The following RBMS2 variants were observed in gnomAD, a reference collection of about 807,000 sequenced individuals.
RBMS2 encodes RNA-binding motif, single-stranded-interacting protein 2.
Under a neutral mutation model 58.4 loss-of-function variants are expected in RBMS2, and 38 were observed. That is an observed-to-expected ratio of 0.65 (90% CI 0.50 to 0.85). RBMS2 has a LOEUF of 0.85. RBMS2 is among the 40% of genes least tolerant of loss of function. RBMS2 has a pLI of 0.00. For synonymous variants in RBMS2, 151 were observed against 180.7 expected (o/e 0.84, Z 1.32); for missense variants, 367 against 503.7 (o/e 0.73, Z 2.60).
At chr12:56,585,035 C>T (rs1410338170) in intron 9 of RBMS2, among the ~76,000 whole-genome samples, 1 of 152,034 alleles carries the variant, frequency 6.6e-6, no homozygotes, top group Non-Finnish European at 1.5e-5. Flanking sequence ...GTTGGTCAGG[C>T]TGGTCTCAAA....
rs1885393409 is a variant in RBMS2 at position 56,592,750 on chromosome 12, A to C, written c.*3617A>C. ...GGTCTCGAACTCCTGACCTCAGGTG[A>C]TCTGCCCGCCTTAGCCTCCCAAAGT... On this transcript the variant is annotated 3_prime_UTR_variant, in exon 14 of 14. Transcript: ENST00000262031. 6.6e-6 allele frequency: 1 copy of C among 152,110 alleles called. No individual in the cohort carries two copies. Among genetic ancestry groups the C allele is most frequent in the Non-Finnish European group, 1.5e-5 (1 of 68,062 alleles). 9.4% of individuals were successfully genotyped at this position (152,110 alleles called of 1,614,324 possible).
In RBMS2 at chr12:56,536,245, G is replaced by A. The variant is rs998907371; in HGVS notation, c.66+14156G>A. ...AAAAAAAAATCCCAGCACTCTGGAA[G>A]GGCGAGGCAGGCAGAGTACCTGAGG... On this transcript the variant is annotated intron_variant, in intron 1 of 13. Transcript: ENST00000262031. 2.0e-5 allele frequency among the ~76,000 whole-genome samples: 3 copies of A among 151,036 alleles called. No individual in the cohort carries two copies. The South Asian group carries it at 6.3e-4, about 32-fold the overall frequency.
intron 5 of RBMS2, among the ~76,000 whole-genome samples, chr12:56,576,371 C>T (rs896271387): frequency 7.2e-5 from 11 of 151,974 alleles, no homozygotes; most frequent in Non-Finnish European, 8.8e-5. Flanking sequence ...TCATGTTGTC[C>T]GCTCCATCCC....
At chr12:56,566,329 C>T (rs1041297032) in intron 2 of RBMS2, among the ~76,000 whole-genome samples, 5 of 152,154 alleles carry the variant, frequency 3.3e-5, no homozygotes, top group African/African-American at 1.2e-4. Flanking sequence ...TTTCAGTTAG[C>T]TCTTGTACTT....
chr12:56,522,197 A>G, intron 1 of RBMS2, 108 bp downstream of exon 1: 1 of 838,410 alleles, frequency 1.2e-6, no homozygotes. Flanking sequence ...TTCCTCTCTC[A>G]AGATTCCTAA....
At chr12:56,574,356 T>G (rs1882806525) in intron 5 of RBMS2, among the ~76,000 whole-genome samples, 1 of 152,338 alleles carries the variant, frequency 6.6e-6, no homozygotes, top group Non-Finnish European at 1.5e-5. Flanking sequence ...GGTATCAGAA[T>G]GGACACCTAC....
chr12:56,533,833 C>A (rs947277044), intron 1 of RBMS2, among the ~76,000 whole-genome samples: 2 of 152,052 alleles, frequency 1.3e-5, no homozygotes, highest in Non-Finnish European at 2.9e-5. Context: ...GTTTTAAAAT[C>A]ATGTTTAATT....
intron 2 of RBMS2, among the ~76,000 whole-genome samples, chr12:56,564,121 T>G (rs894310908): frequency 2.8e-5 from 4 of 143,798 alleles, no homozygotes; most frequent in East Asian, 2.0e-4. Flanking sequence ...CTAATTTTTG[T>G]TTTTTTTTTT....
rs559120932 is a variant in RBMS2 at position 56,590,951 on chromosome 12, T to G, written c.*1818T>G. The G allele has an allele frequency of 6.6e-6, 1 of 152,238 alleles. No individual in the cohort carries two copies. Among genetic ancestry groups the G allele is most frequent in the African/African-American group, 2.4e-5 (1 of 41,530 alleles). The allele number at this position is 152,238 out of a possible 1,614,324, so 9.4% of individuals were successfully genotyped here. A position where few individuals can be genotyped will look rare whatever the true frequency, so the allele number is the denominator to read the frequency against. Reference sequence around the variant, plus strand: ...GCAAAGAGCAATAAATTCCAACTCTTTATGAGGTCAGGAGTCCTTTAAAAA... The same window carrying G: ...GCAAAGAGCAATAAATTCCAACTCTGTATGAGGTCAGGAGTCCTTTAAAAA... On this transcript the variant is annotated 3_prime_UTR_variant, in exon 14 of 14. Coordinates refer to ENST00000262031, the MANE Select transcript of RBMS2 (RefSeq NM_002898.4).
At chr12:56,546,090 C>T (rs1211638093) in intron 1 of RBMS2, among the ~76,000 whole-genome samples, 2 of 150,790 alleles carry the variant, frequency 1.3e-5, no homozygotes, top group African/African-American at 4.9e-5. Flanking sequence ...CATGCACCAC[C>T]ACACCTGGCT....
At position 56,580,178 on chromosome 12, in the gene RBMS2, G is replaced by C. The variant is rs774187126; in HGVS notation, c.543-1006G>C. Reference sequence around the variant, plus strand: ...GATCTCCTGACCTTGTGATCCGCCCGCCTCAGCCTCCCAAAGTGCTGGGAT... The same window carrying C: ...GATCTCCTGACCTTGTGATCCGCCCCCCTCAGCCTCCCAAAGTGCTGGGAT... On this transcript the variant is annotated intron_variant, in intron 5 of 13. Transcript: ENST00000262031. 10 of 353,946 alleles carry C rather than the reference G, an allele frequency of 2.8e-5. No homozygotes were observed. The Admixed American group carries it at 2.9e-4, about 10-fold the overall frequency. The allele number at this position is 353,946 out of a possible 1,614,324, so 21.9% of individuals were successfully genotyped here. A position where few individuals can be genotyped will look rare whatever the true frequency, so the allele number is the denominator to read the frequency against.
In RBMS2 at chr12:56,522,101, C is replaced by G. The variant is rs762040601; in HGVS notation, c.66+12C>G. ...GAAACAACAAGAAGGTAGGGAAAAGCGCTTTTTTGGTATCTAGCTACTTCT... is the reference window on the plus strand; with the variant it reads ...GAAACAACAAGAAGGTAGGGAAAAGGGCTTTTTTGGTATCTAGCTACTTCT... On this transcript the variant is annotated intron_variant, in intron 1 of 13. Transcript: ENST00000262031. 1 of 1,574,866 alleles carries G rather than the reference C, an allele frequency of 6.3e-7. No homozygotes were observed. The highest frequency in any genetic ancestry group is 1.1e-5 in the South Asian group (1 of 89,828).
chr12:56,570,918 G>C (rs978232186), intron 4 of RBMS2, among the ~76,000 whole-genome samples: 3 of 152,182 alleles, frequency 2.0e-5, no homozygotes, highest in African/African-American at 7.2e-5. Context: ...ATTATACATA[G>C]AGCTTGTGAG....
chr12:56,543,139 T>C (rs1168382632), intron 1 of RBMS2, among the ~76,000 whole-genome samples: 1 of 152,072 alleles, frequency 6.6e-6, no homozygotes, highest in Non-Finnish European at 1.5e-5. Context: ...TCTCTAAGTG[T>C]TGGGATTACA....
intron 1 of RBMS2, among the ~76,000 whole-genome samples, chr12:56,540,147 C>A (rs1168883461): frequency 6.6e-6 from 1 of 152,016 alleles, no homozygotes; most frequent in Non-Finnish European, 1.5e-5. Context: ...ATGTCTCTCT[C>A]CCCACTAAAT....
At chr12:56,578,199 G>C (rs1883421438) in intron 5 of RBMS2, among the ~76,000 whole-genome samples, 1 of 151,998 alleles carries the variant, frequency 6.6e-6, no homozygotes, top group South Asian at 2.1e-4. Flanking sequence ...TGTGATCTCA[G>C]CTCACTGTAA....
chr12:56,564,043 T>C (rs886276283), intron 2 of RBMS2, among the ~76,000 whole-genome samples: 4 of 151,004 alleles, frequency 2.6e-5, no homozygotes, highest in Non-Finnish European at 4.4e-5. Flanking sequence ...AGAAGAATCT[T>C]TTTTTTTTAA....
At chr12:56,587,815 G>A in intron 11 of RBMS2, 151 bp downstream of exon 11, 1 of 1,229,258 alleles carries the variant, frequency 8.1e-7, no homozygotes, top group Non-Finnish European at 1.1e-6. Context: ...TACAATGGTA[G>A]TGCTCCATGA....
At position 56,581,954 on chromosome 12, in the gene RBMS2, TTCTC is replaced by T; in HGVS notation, c.779+79_779+82del. 7.6e-6 allele frequency: 12 copies of T among 1,584,322 alleles called. No homozygotes were observed. In the Middle Eastern group the frequency reaches 5.0e-4, roughly 66 times the overall value. On this transcript the variant is annotated intron_variant, in intron 8 of 13. Transcript: ENST00000262031. ...CAGACACTCAAATGATTCATCTTGATTCTCTCTATTTGAAAGTCAAGGGAACGTT... is the reference window on the plus strand; with the variant it reads ...CAGACACTCAAATGATTCATCTTGATTCTATTTGAAAGTCAAGGGAACGTT...
Sources: gnomAD v4.1 joint callset for allele counts (sites outside exome capture counted in the v4.1 genomes callset) on GRCh38, gnomAD v4.1.1 for gene constraint, MANE v1.5 for transcripts, NCBI Gene and HGNC (gene_info 2026-07-23, HGNC 2026-07-21) for gene names.